Variants in ANXA8 observed in about 807,000 individuals in gnomAD.
ANXA8 encodes annexin A8.
ANXA8 carries 9 observed loss-of-function variants against 26.8 expected under a neutral mutation model. That is an observed-to-expected ratio of 0.34 (90% CI 0.20 to 0.59). The LOEUF (loss-of-function observed/expected upper bound fraction) is 0.59, where lower values mean the gene tolerates loss of function less well. Among genes scored for constraint, ANXA8 ranks in the 20% least tolerant of loss-of-function variants. The probability of loss-of-function intolerance (pLI) is 0.84; values close to 1 mark genes in which losing one functional copy is unlikely to be tolerated. For missense variants in ANXA8, 83 were observed against 238.5 expected (o/e 0.35, Z 4.29); for synonymous variants, 39 against 94.8 (o/e 0.41, Z 3.42).
intron 11 of ANXA8, 87 bp from the exon 12 acceptor site, chr10:47,468,993 G>A: frequency 6.4e-7 from 1 of 1,551,098 alleles, no homozygotes. Context: ...ACTAAGAGGT[G>A]TGCCCCTGGC....
At chr10:47,747,806 TAGAG>T in the ANXA8 span, among the ~76,000 whole-genome samples, 1 of 151,884 alleles carries the variant, frequency 6.6e-6, no homozygotes, top group African/African-American at 2.4e-5. Context: ...ATGGGTGGAA[TAGAG>T]ACTTTCATCA....
the ANXA8 span, chr10:47,710,241 G>C: frequency 1.3e-6 from 2 of 1,513,528 alleles, no homozygotes; most frequent in Non-Finnish European, 1.8e-6. Context: ...AGTTAGTGAC[G>C]TTGTACTTCA....
chr10:47,676,894 T>C, the ANXA8 span, among the ~76,000 whole-genome samples: 1 of 146,240 alleles, frequency 6.8e-6, no homozygotes, highest in Non-Finnish European at 1.5e-5. Context: ...CACTCCAGCC[T>C]GTCGACAGAG....
chr10:47,778,467 C>T, the ANXA8 span, among the ~76,000 whole-genome samples: 5 of 151,028 alleles, frequency 3.3e-5, 1 homozygote, highest in East Asian at 3.9e-4. Context: ...TGTGGCCGAG[C>T]GGCTGTCATT....
chr10:47,530,198 C>T, the ANXA8 span, among the ~76,000 whole-genome samples: 4 of 140,564 alleles, frequency 2.8e-5, no homozygotes, highest in African/African-American at 1.1e-4. Flanking sequence ...GTGCCAGTTG[C>T]TGTGAGGGAT....
At chr10:47,655,753 G>A in the ANXA8 span, among the ~76,000 whole-genome samples, 1 of 152,110 alleles carries the variant, frequency 6.6e-6, no homozygotes, top group East Asian at 1.9e-4. Context: ...GGGCAAGGTG[G>A]CTCATGCCTG....
chr10:47,741,129 AT>A, the ANXA8 span, among the ~76,000 whole-genome samples: 1 of 100,902 alleles, frequency 9.9e-6, no homozygotes, highest in Non-Finnish European at 2.0e-5. Flanking sequence ...CTCATTGGCC[AT>A]TTGTATACCT....
At chr10:47,675,513 C>T in the ANXA8 span, among the ~76,000 whole-genome samples, 24 of 151,970 alleles carry the variant, frequency 1.6e-4, no homozygotes, top group East Asian at 9.6e-4. Flanking sequence ...GATCTCAGTC[C>T]TTAAATATTT....
At chr10:47,982,315 C>T in the ANXA8 span, among the ~76,000 whole-genome samples, 4 of 150,974 alleles carry the variant, frequency 2.6e-5, no homozygotes, top group Non-Finnish European at 4.4e-5. Context: ...CAAAACAACC[C>T]CCCCAAACCC....
chr10:47,552,696 GT>G, the ANXA8 span, among the ~76,000 whole-genome samples: 6 of 151,892 alleles, frequency 4.0e-5, no homozygotes, highest in East Asian at 7.7e-4. Flanking sequence ...GAATCTGTGA[GT>G]TTTTTTGGAA....
the ANXA8 span, among the ~76,000 whole-genome samples, chr10:47,583,431 A>AC: frequency 1.2e-4 from 8 of 66,660 alleles, no homozygotes; most frequent in South Asian, 6.3e-4. Flanking sequence ...AAGCCCCTAG[A>AC]CCCCCCTGCC....
chr10:47,474,948 T>A lies in ANXA8; in HGVS notation c.549A>T (p.Ala183=). 6.5e-7 allele frequency: 1 copy of A among 1,532,812 alleles called. No individual in the cohort carries two copies. Among genetic ancestry groups the A allele is most frequent in the Non-Finnish European group, 8.8e-7 (1 of 1,133,132 alleles). The allele number at this position is 1,532,812 out of a possible 1,614,324, so 95.0% of individuals were successfully genotyped here. Reference sequence around the variant, plus strand: ...GGCCGGCTGGGCGCAGCCTCACCTGTGCGTCTTGGAGGGCCAGTCCTGGGT... The same window carrying A: ...GGCCGGCTGGGCGCAGCCTCACCTGAGCGTCTTGGAGGGCCAGTCCTGGGT... ...FVDPGLALQD[A]QDLYAAGEKI... Residue 183 remains alanine (A), a synonymous_variant, in exon 7 of 12, where the codon GCA becomes GCT. Coordinates refer to ENST00000585281, the MANE Select transcript of ANXA8 (RefSeq NM_001040084.3).
At chr10:47,650,405 C>A in the ANXA8 span, among the ~76,000 whole-genome samples, 3 of 151,128 alleles carry the variant, frequency 2.0e-5, no homozygotes, top group Admixed American at 2.0e-4. Context: ...AGACAACCTA[C>A]AGAATGGGAT....
At chr10:47,979,902 T>C in the ANXA8 span, among the ~76,000 whole-genome samples, 2 of 152,088 alleles carry the variant, frequency 1.3e-5, no homozygotes, top group African/African-American at 4.8e-5. Context: ...TTCCTATTTT[T>C]AGCCCAGTAA....
the ANXA8 span, chr10:47,589,615 T>C: frequency 6.8e-6 from 1 of 146,214 alleles, no homozygotes; most frequent in Admixed American, 6.6e-5. Context: ...ATACTCTCTC[T>C]GCCCAGGGAG....
chr10:47,530,711 A>T, the ANXA8 span, among the ~76,000 whole-genome samples: 2 of 136,880 alleles, frequency 1.5e-5, 1 homozygote, highest in Non-Finnish European at 3.1e-5. Flanking sequence ...AAAAAGAAAA[A>T]AGAGAGAAAA....
At chr10:47,945,468 T>C in the ANXA8 span, among the ~76,000 whole-genome samples, 7 of 150,812 alleles carry the variant, frequency 4.6e-5, no homozygotes, top group African/African-American at 1.7e-4. Flanking sequence ...GCTGCCTCAC[T>C]AACCTTCCTG....
chr10:47,593,308 T>C, the ANXA8 span, among the ~76,000 whole-genome samples: 6,693 of 148,520 alleles, frequency 0.045, 987 homozygotes, highest in African/African-American at 0.16. Flanking sequence ...AAAGAAAATG[T>C]GGCCATGGCA....
the ANXA8 span, among the ~76,000 whole-genome samples, chr10:47,700,893 G>A: frequency 2.7e-5 from 4 of 150,188 alleles, no homozygotes; most frequent in East Asian, 7.9e-4. Flanking sequence ...TCCAGCCTGG[G>A]CAACATAGTG....
Sources: allele counts gnomAD v4.1 joint callset (sites outside exome capture counted in the v4.1 genomes callset), GRCh38; gene constraint gnomAD v4.1.1; transcripts MANE v1.5; gene names NCBI Gene and HGNC (gene_info 2026-07-23, HGNC 2026-07-21).